The following ARL11 variants were observed in gnomAD, a reference collection of about 807,000 sequenced individuals.
The protein encoded by ARL11 is ARF like GTPase 11.
For missense variants in ARL11, 239 were observed against 250.6 expected, an observed-to-expected ratio of 0.95 and a Z score of 0.31; for synonymous variants, 91 against 111.2, an observed-to-expected ratio of 0.82 and a Z score of 1.15.
intron 1 of ARL11, among the ~76,000 whole-genome samples, chr13:49,629,804 T>C (rs1964862931): frequency 6.6e-6 from 1 of 152,150 alleles, no homozygotes; most frequent in African/African-American, 2.4e-5. Flanking sequence ...TTCCAAGACA[T>C]AGTACTGGTC....
rs77404715 is a variant in ARL11, at chr13:49,631,183, G to T, written c.*145G>T. 6,423 of 696,210 alleles carry T rather than the reference G, an allele frequency of 9.2e-3. 335 individuals are homozygous for T. In the African/African-American group the frequency reaches 0.11, roughly 11 times the overall value. The allele number at this position is 696,210 out of a possible 1,614,324, so 43.1% of individuals were successfully genotyped here. A position where few individuals can be genotyped will look rare whatever the true frequency, so the allele number is the denominator to read the frequency against. On this transcript the variant is annotated 3_prime_UTR_variant, in exon 2 of 2. Transcript: ENST00000282026. ...AATCCCAGCACTGTGGGAGACCACG[G>T]TGGGGGAATCCCTTGAGCCCAGGAG...
Position 49,630,645 on chromosome 13 carries a change from G to T in ARL11, c.198G>T (p.Gly66=). The change falls in exon 2 of 2, where the codon GGG becomes GGT. Residue 66 remains glycine, a synonymous_variant. Coordinates refer to ENST00000282026, the MANE Select transcript of ARL11 (RefSeq NM_138450.6). The stretch of plus-strand genomic sequence containing the variant: ...CACTGACTCTCTGGGACGTTGGGGG[G>T]CAGGCCCCGCTCAGAGCCAGCTGGA... The part of the protein sequence containing the change: ...HVSLTLWDVG[G]QAPLRASWKD... 6.2e-7 allele frequency: 1 copy of T among 1,614,170 alleles called. No homozygotes were observed. The highest frequency in any genetic ancestry group is 8.5e-7 in the Non-Finnish European group (1 of 1,180,038).
In ARL11 at chr13:49,633,135, A is replaced by G. The variant is rs896489863; in HGVS notation, c.*2097A>G. The G allele has an allele frequency of 2.4e-5, 4 of 166,780 alleles. No individual in the cohort carries two copies. Among genetic ancestry groups the G allele is most frequent in the Non-Finnish European group, 5.9e-5 (4 of 68,130 alleles). The allele number at this position is 166,780 out of a possible 1,614,324, so 10.3% of individuals were successfully genotyped here. A position where few individuals can be genotyped will look rare whatever the true frequency, so the allele number is the denominator to read the frequency against. ...TGTTGCTTGAGGCACAGAGTTATAA[A>G]GTAACATATCTGGAATTTGAAATCA... On this transcript the variant is annotated 3_prime_UTR_variant, in exon 2 of 2. Coordinates refer to ENST00000282026, the MANE Select transcript of ARL11 (RefSeq NM_138450.6).
chr13:49,631,085 G>C lies in ARL11; in HGVS notation c.*47G>C, dbSNP rs893531397. The C allele has an allele frequency of 6.8e-7, 1 of 1,462,310 alleles. No homozygotes were observed. Among genetic ancestry groups the C allele is most frequent in the African/African-American group, 1.4e-5 (1 of 69,942 alleles). The allele number at this position is 1,462,310 out of a possible 1,614,324, so 90.6% of individuals were successfully genotyped here. Reference sequence around the variant, plus strand: ...TTGCTCATACAAACTAGAAGAACCAGCTGATCCTTGAGAAATTTACGCTTA... The same window carrying C: ...TTGCTCATACAAACTAGAAGAACCACCTGATCCTTGAGAAATTTACGCTTA... On this transcript the variant is annotated 3_prime_UTR_variant, in exon 2 of 2. Coordinates refer to ENST00000282026, the MANE Select transcript of ARL11 (RefSeq NM_138450.6).
At chr13:49,629,728 G>GATGA (rs1212634106) in intron 1 of ARL11, among the ~76,000 whole-genome samples, 4 of 152,196 alleles carry the variant, frequency 2.6e-5, no homozygotes, top group Non-Finnish European at 4.4e-5. Flanking sequence ...TTTGTAAAAT[G>GATGA]ATGAAATTGC....
Position 49,631,139 on chromosome 13 carries a change from C to A in ARL11, c.*101C>A. 8.4e-7 allele frequency: 1 copy of A among 1,183,746 alleles called. No homozygotes were observed. Among genetic ancestry groups the A allele is most frequent in the Non-Finnish European group, 1.2e-6 (1 of 849,534 alleles). 73.3% of individuals were successfully genotyped at this position (1,183,746 alleles called of 1,614,324 possible). ...TATCAAACAAGAAATGCTGGCTTGG[C>A]CCGGTGGCTCATGCCTGTAATCCCA... is the stretch of plus-strand genomic sequence containing the variant. On this transcript the variant is annotated 3_prime_UTR_variant, in exon 2 of 2. Transcript: ENST00000282026.
rs1964844790 is a variant in ARL11, at chr13:49,628,514, T to G, written c.-120T>G. 3 of 152,324 alleles carry G rather than the reference T, an allele frequency of 2.0e-5. No homozygotes were observed. The highest frequency in any genetic ancestry group is 4.4e-5 in the Non-Finnish European group (3 of 68,058). 9.4% of individuals were successfully genotyped at this position (152,324 alleles called of 1,614,324 possible). A position where few individuals can be genotyped will look rare whatever the true frequency, so the allele number is the denominator to read the frequency against. ...AGCAGCAACGGCTGCTCTGCTTCCT[T>G]CCCATCTCGCTCTTGGGTCATGCCT... is the stretch of plus-strand genomic sequence containing the variant. On this transcript the variant is annotated 5_prime_UTR_variant, in exon 1 of 2. Transcript: ENST00000282026.
In ARL11 at chr13:49,630,688, A is replaced by G; in HGVS notation, c.241A>G (p.Thr81Ala). Residue 81 changes from threonine (T) to alanine (A), a missense_variant, in exon 2 of 2, where the codon ACA (threonine) becomes GCA (alanine). Transcript: ENST00000282026. ...CAGCTGGAAGGACTATCTGGAAGGCACAGATATCCTCGTGTACGTGCTGGA... is the reference window on the plus strand; with the variant it reads ...CAGCTGGAAGGACTATCTGGAAGGCGCAGATATCCTCGTGTACGTGCTGGA... ...RASWKDYLEG[T>A]DILVYVLDST... 1 of 1,614,170 alleles carries G rather than the reference A, an allele frequency of 6.2e-7. No individual in the cohort carries two copies. The highest frequency in any genetic ancestry group is 8.5e-7 in the Non-Finnish European group (1 of 1,180,042).
Position 49,632,963 on chromosome 13 carries a change from T to A in ARL11, c.*1925T>A, listed in dbSNP as rs1265975177. The stretch of plus-strand genomic sequence containing the variant: ...AGAGAGACTCAGTTCAGCAACTGTT[T>A]ATTCTGTTTATTGAGCACTTACTTG... On this transcript the variant is annotated 3_prime_UTR_variant, in exon 2 of 2. Coordinates refer to ENST00000282026, the MANE Select transcript of ARL11 (RefSeq NM_138450.6). 1.2e-5 allele frequency: 2 copies of A among 166,842 alleles called. No individual in the cohort carries two copies. The highest frequency in any genetic ancestry group is 4.8e-5 in the African/African-American group (2 of 41,454). The allele number at this position is 166,842 out of a possible 1,614,324, so 10.3% of individuals were successfully genotyped here.
intron 1 of ARL11, among the ~76,000 whole-genome samples, chr13:49,629,470 T>C (rs1964858828): frequency 1.3e-5 from 2 of 152,164 alleles, no homozygotes; most frequent in Admixed American, 1.3e-4. Flanking sequence ...AGACCACATA[T>C]ACAACGGTGG....
At position 49,630,926 on chromosome 13, in the gene ARL11, AG is replaced by A; in HGVS notation, c.483del (p.Leu162CysfsTer12). On this transcript the variant is annotated frameshift_variant, in exon 2 of 2. Transcript: ENST00000282026. LOFTEE classifies it low-confidence loss of function (END_TRUNC). ...ELRGCSALTG[E>X]GLPEALQSLW... ...CGGGGCTGCAGTGCCCTCACTGGGG[AG>A]GGGCTGCCCGAGGCCCTGCAGAGCC... 1 of 1,601,728 alleles carries A rather than the reference AG, an allele frequency of 6.2e-7. No individual in the cohort carries two copies. Among genetic ancestry groups the A allele is most frequent in the African/African-American group, 1.3e-5 (1 of 74,696 alleles).
rs1309936967 is a variant in ARL11, at chr13:49,631,262, G to A, written c.*224G>A. On this transcript the variant is annotated 3_prime_UTR_variant, in exon 2 of 2. Transcript: ENST00000282026. ...TCTACTAATAATCAAAAAATTGGCC[G>A]GGCATGGTGGCATGTGCCTGTAGTC... is the stretch of plus-strand genomic sequence containing the variant. The A allele has an allele frequency of 1.8e-5, 8 of 438,792 alleles. No individual in the cohort carries two copies. The East Asian group carries it at 2.0e-4, about 11-fold the overall frequency. 27.2% of individuals were successfully genotyped at this position (438,792 alleles called of 1,614,324 possible).
Position 49,631,173 on chromosome 13 carries a change from GGAGA to G in ARL11, c.*136_*139del. 2.6e-6 allele frequency: 2 copies of G among 769,444 alleles called. No individual in the cohort carries two copies. The highest frequency in any genetic ancestry group is 4.1e-6 in the Non-Finnish European group (2 of 493,774). The allele number at this position is 769,444 out of a possible 1,614,324, so 47.7% of individuals were successfully genotyped here. On this transcript the variant is annotated 3_prime_UTR_variant, in exon 2 of 2. Coordinates refer to ENST00000282026, the MANE Select transcript of ARL11 (RefSeq NM_138450.6). ...TCATGCCTGTAATCCCAGCACTGTG[GGAGA>G]CCACGGTGGGGGAATCCCTTGAGCC... is the stretch of plus-strand genomic sequence containing the variant.
chr13:49,630,371 T>G, intron 1 of ARL11, 59 bp from the exon 2 acceptor site: 4 of 1,207,398 alleles, frequency 3.3e-6, no homozygotes, highest in South Asian at 2.8e-5. Context: ...TGCACCAGGA[T>G]GGATTTGTCT....
chr13:49,631,894 C>G lies in ARL11; in HGVS notation c.*856C>G, dbSNP rs149495220. 1.8e-5 allele frequency: 3 copies of G among 167,018 alleles called. No homozygotes were observed. The East Asian group carries it at 5.8e-4, about 32-fold the overall frequency. The allele number at this position is 167,018 out of a possible 1,614,324, so 10.3% of individuals were successfully genotyped here. A position where few individuals can be genotyped will look rare whatever the true frequency, so the allele number is the denominator to read the frequency against. On this transcript the variant is annotated 3_prime_UTR_variant, in exon 2 of 2. Coordinates refer to ENST00000282026, the MANE Select transcript of ARL11 (RefSeq NM_138450.6). ...CATCTGGACATGTCACAATGGATCG[C>G]GGATCCTTATGAGTGATTTTCCCCA...
In ARL11 at chr13:49,631,789, A is replaced by T. The variant is rs1297532813; in HGVS notation, c.*751A>T. On this transcript the variant is annotated 3_prime_UTR_variant, in exon 2 of 2. Coordinates refer to ENST00000282026, the MANE Select transcript of ARL11 (RefSeq NM_138450.6). Reference sequence around the variant, plus strand: ...GAAGTGGAGGTTGCAGTGAGCCGAGATTGTGCTGCTGCACTCCAGCCTGGG... The same window carrying T: ...GAAGTGGAGGTTGCAGTGAGCCGAGTTTGTGCTGCTGCACTCCAGCCTGGG... 6.0e-6 allele frequency: 1 copy of T among 166,666 alleles called. No individual in the cohort carries two copies. Among genetic ancestry groups the T allele is most frequent in the African/African-American group, 2.4e-5 (1 of 41,430 alleles). 10.3% of individuals were successfully genotyped at this position (166,666 alleles called of 1,614,324 possible).
Position 49,632,908 on chromosome 13 carries a change from TA to T in ARL11, c.*1873del, listed in dbSNP as rs1227356763. 6.0e-6 allele frequency: 1 copy of T among 166,984 alleles called. No individual in the cohort carries two copies. Among genetic ancestry groups the T allele is most frequent in the East Asian group, 1.9e-4 (1 of 5,204 alleles). 10.3% of individuals were successfully genotyped at this position (166,984 alleles called of 1,614,324 possible). A position where few individuals can be genotyped will look rare whatever the true frequency, so the allele number is the denominator to read the frequency against. On this transcript the variant is annotated 3_prime_UTR_variant, in exon 2 of 2. Transcript: ENST00000282026. ...TCAGGCCTCATGGAAGGTGAGACAG[TA>T]AAGACATTACTCCCATAAAAATGTG...
In ARL11 at chr13:49,631,607, G is replaced by C. The variant is rs948381494; in HGVS notation, c.*569G>C. The stretch of plus-strand genomic sequence containing the variant: ...GGCCAGGTGCAGTGGCTCATGGGCG[G>C]AGGAGGGCAGATTACTTGAGGCTAG... On this transcript the variant is annotated 3_prime_UTR_variant, in exon 2 of 2. Transcript: ENST00000282026. 1 of 166,796 alleles carries C rather than the reference G, an allele frequency of 6.0e-6. No individual in the cohort carries two copies. Among genetic ancestry groups the C allele is most frequent in the Admixed American group, 6.6e-5 (1 of 15,256 alleles). The allele number at this position is 166,796 out of a possible 1,614,324, so 10.3% of individuals were successfully genotyped here.
rs1296492242 is a variant in ARL11 at position 49,633,136 on chromosome 13, G to A, written c.*2098G>A. On this transcript the variant is annotated 3_prime_UTR_variant, in exon 2 of 2. Transcript: ENST00000282026. ...GTTGCTTGAGGCACAGAGTTATAAA[G>A]TAACATATCTGGAATTTGAAATCAG... 1 of 166,702 alleles carries A rather than the reference G, an allele frequency of 6.0e-6. No individual in the cohort carries two copies. Among genetic ancestry groups the A allele is most frequent in the Non-Finnish European group, 1.5e-5 (1 of 68,126 alleles). The allele number at this position is 166,702 out of a possible 1,614,324, so 10.3% of individuals were successfully genotyped here. A position where few individuals can be genotyped will look rare whatever the true frequency, so the allele number is the denominator to read the frequency against.
Sources: allele counts gnomAD v4.1 joint callset (sites outside exome capture counted in the v4.1 genomes callset), GRCh38; gene constraint gnomAD v4.1.1; transcripts MANE v1.5; gene names NCBI Gene and HGNC (gene_info 2026-07-23, HGNC 2026-07-21).